Variants in MNS1 observed in about 807,000 individuals in gnomAD.
The protein encoded by MNS1 is meiosis-specific nuclear structural protein 1.
Under a neutral mutation model 72.0 loss-of-function variants are expected in MNS1, and 63 were observed. The ratio of observed to expected loss-of-function variants is 0.87; its 90% CI spans 0.71 to 1.08. The LOEUF (loss-of-function observed/expected upper bound fraction) is 1.08, where lower values mean the gene tolerates loss of function less well. Ranked by LOEUF, MNS1 falls within the 50% of genes least tolerant of loss-of-function variation. MNS1 has a pLI of 0.00. For synonymous variants in MNS1, 188 were observed against 172.1 expected (o/e 1.09, Z -0.72); for missense variants, 604 against 562.4 (o/e 1.07, Z -0.75).
At chr15:56,454,644 A>T (rs1007779579) in intron 3 of MNS1, among the ~76,000 whole-genome samples, 1 of 152,102 alleles carries the variant, frequency 6.6e-6, no homozygotes, top group Non-Finnish European at 1.5e-5. Context: ...TACTGTTTTC[A>T]TTACTTGCAA....
chr15:56,438,449 A>G (rs1318938976), intron 7 of MNS1, among the ~76,000 whole-genome samples: 1 of 152,154 alleles, frequency 6.6e-6, no homozygotes, highest in Non-Finnish European at 1.5e-5. Context: ...ATAGGTAGAA[A>G]GCTGAAACTG....
At chr15:56,461,961 G>GT (rs201033116) in intron 2 of MNS1, among the ~76,000 whole-genome samples, 1 of 85,356 alleles carries the variant, frequency 1.2e-5, no homozygotes, top group African/African-American at 4.9e-5. Context: ...ATAACAAAGT[G>GT]TTTTTTTGTT....
chr15:56,433,257 G>C (rs1407736416), intron 8 of MNS1, among the ~76,000 whole-genome samples: 1 of 150,876 alleles, frequency 6.6e-6, no homozygotes, highest in African/African-American at 2.5e-5. Context: ...GGGCCTGTCG[G>C]GGGGTGGGGG....
Position 56,464,254 on chromosome 15 carries a change from T to C in MNS1, c.4-7A>G, listed in dbSNP as rs941045925. The stretch of plus-strand genomic sequence containing the variant: ...AATTTCTCCTTTTGGAACCCTACGA[T>C]GGAAGAAAAAAAAAGATGCATATTT... On this transcript the variant is annotated splice_region_variant and splice_polypyrimidine_tract_variant and intron_variant, in intron 1 of 9. Coordinates refer to ENST00000260453, the MANE Select transcript of MNS1 (RefSeq NM_018365.4). 4.5e-6 allele frequency: 7 copies of C among 1,559,868 alleles called. No individual in the cohort carries two copies. In the African/African-American group the frequency reaches 7.0e-5, roughly 16 times the overall value.
intron 3 of MNS1, among the ~76,000 whole-genome samples, chr15:56,453,728 A>G (rs753593457): frequency 8.5e-5 from 13 of 152,188 alleles, no homozygotes; most frequent in Non-Finnish European, 1.8e-4. Flanking sequence ...AACTCCAGTT[A>G]AAAACAGCAG....
Position 56,429,044 on chromosome 15 carries a change from T to G in MNS1, c.*57A>C. ...CCACTGAACTGTAAAACAAAAGTTATGCTGACATCTAGTGGTAACATGCAA... is the reference window on the plus strand; with the variant it reads ...CCACTGAACTGTAAAACAAAAGTTAGGCTGACATCTAGTGGTAACATGCAA... On this transcript the variant is annotated 3_prime_UTR_variant, in exon 10 of 10. Coordinates refer to ENST00000260453, the MANE Select transcript of MNS1 (RefSeq NM_018365.4). 4 of 1,122,032 alleles carry G rather than the reference T, an allele frequency of 3.6e-6. No homozygotes were observed. Among genetic ancestry groups the G allele is most frequent in the Non-Finnish European group, 5.1e-6 (4 of 779,686 alleles). The allele number at this position is 1,122,032 out of a possible 1,614,324, so 69.5% of individuals were successfully genotyped here. A position where few individuals can be genotyped will look rare whatever the true frequency, so the allele number is the denominator to read the frequency against.
intron 7 of MNS1, among the ~76,000 whole-genome samples, chr15:56,439,938 C>T (rs921862270): frequency 2.6e-5 from 4 of 151,972 alleles, no homozygotes; most frequent in African/African-American, 9.7e-5. Context: ...TAAGAAAAAT[C>T]GTGCTCTAAG....
In MNS1 at chr15:56,461,975, G is replaced by GTTTTTTTTTTTTTTTT. The variant is rs56022687; in HGVS notation, c.225+2035_225+2050dup. Among the ~76,000 whole-genome samples, 11 of 97,914 alleles carry GTTTTTTTTTTTTTTTT rather than the reference G, an allele frequency of 1.1e-4. 1 individual carries two copies. The highest frequency in any genetic ancestry group is 2.4e-4 in the Admixed American group (2 of 8,364). 64.2% of individuals were successfully genotyped at this position (97,914 alleles called of 152,430 possible). A position where few individuals can be genotyped will look rare whatever the true frequency, so the allele number is the denominator to read the frequency against. ...AATAACAAAGTGTTTTTTTGTTGTT[G>GTTTTTTTTTTTTTTTT]TTTTTTTTTTTTTTTTTTTTTTTTT... On this transcript the variant is annotated intron_variant, in intron 2 of 9. Transcript: ENST00000260453.
chr15:56,464,910 C>T (rs2051048672), intron 1 of MNS1, 60 bp downstream of exon 1: 1 of 1,606,144 alleles, frequency 6.2e-7, no homozygotes. Flanking sequence ...AGCAGATGAG[C>T]GCCAAACTAG....
intron 7 of MNS1, among the ~76,000 whole-genome samples, chr15:56,440,872 A>G (rs2050804940): frequency 6.6e-6 from 1 of 152,138 alleles, no homozygotes; most frequent in Admixed American, 6.5e-5. Flanking sequence ...TATTTTGTTT[A>G]TCCATTAGAC....
intron 3 of MNS1, among the ~76,000 whole-genome samples, chr15:56,453,689 G>A (rs539683045): frequency 6.6e-6 from 1 of 152,136 alleles, no homozygotes; most frequent in Non-Finnish European, 1.5e-5. Flanking sequence ...TTTAAAATAG[G>A]ATTTCTAAAA....
Position 56,460,009 on chromosome 15 carries a change from A to AAAAAAAAAAAAAATATATAT in MNS1, c.226-3489_226-3488insATATATATTTTTTTTTTTTT. On this transcript the variant is annotated intron_variant, in intron 2 of 9. Coordinates refer to ENST00000260453, the MANE Select transcript of MNS1 (RefSeq NM_018365.4). Reference sequence around the variant, plus strand: ...CTGTCTCAAAAAAAAAAAAAAAAAAAATACATATATATATATATATATATA... The same window carrying AAAAAAAAAAAAAATATATAT: ...CTGTCTCAAAAAAAAAAAAAAAAAAAAAAAAAAAAAAAATATATATATACATATATATATATATATATATA... Among the ~76,000 whole-genome samples, 9 of 26,382 alleles carry AAAAAAAAAAAAAATATATAT rather than the reference A, an allele frequency of 3.4e-4. 1 individual carries two copies. The highest frequency in any genetic ancestry group is 1.5e-3 in the South Asian group (1 of 674). 17.3% of individuals were successfully genotyped at this position (26,382 alleles called of 152,430 possible). A position where few individuals can be genotyped will look rare whatever the true frequency, so the allele number is the denominator to read the frequency against.
chr15:56,450,817 CCCATAGCACCTGCAT>C (rs1309917018), intron 3 of MNS1, among the ~76,000 whole-genome samples: 2 of 152,012 alleles, frequency 1.3e-5, no homozygotes. Context: ...TTAACTTTTT[CCCATAGCACCTGCAT>C]CATTTTACAT....
At chr15:56,462,524 A>C (rs1489942447) in intron 2 of MNS1, among the ~76,000 whole-genome samples, 1 of 152,218 alleles carries the variant, frequency 6.6e-6, no homozygotes, top group Non-Finnish European at 1.5e-5. Context: ...AGGGAAATAA[A>C]TTAAAGGAAC....
At chr15:56,456,934 A>T (rs1051133393) in intron 2 of MNS1, among the ~76,000 whole-genome samples, 2 of 152,196 alleles carry the variant, frequency 1.3e-5, no homozygotes, top group African/African-American at 4.8e-5. Context: ...TTTTAAAAAT[A>T]TAACAATCAT....
At chr15:56,463,953 C>T (rs2051040238) in intron 2 of MNS1, 73 bp downstream of exon 2, 2 of 1,204,332 alleles carry the variant, frequency 1.7e-6, no homozygotes, top group African/African-American at 1.5e-5. Context: ...TCATTTCCAG[C>T]ATTAACAGCT....
intron 3 of MNS1, among the ~76,000 whole-genome samples, chr15:56,454,246 ATATT>A (rs1937541970): frequency 6.6e-6 from 1 of 152,160 alleles, no homozygotes. Context: ...ATATTTGTAT[ATATT>A]TATGGGGTAC....
chr15:56,439,126 T>C (rs2050777592), intron 7 of MNS1, among the ~76,000 whole-genome samples: 1 of 152,108 alleles, frequency 6.6e-6, no homozygotes, highest in African/African-American at 2.4e-5. Context: ...AAAATATCAA[T>C]TCACTAGCAA....
At chr15:56,432,914 C>T (rs954641701) in intron 8 of MNS1, among the ~76,000 whole-genome samples, 1 of 152,118 alleles carries the variant, frequency 6.6e-6, no homozygotes, top group Non-Finnish European at 1.5e-5. Context: ...CTCTTCCTAC[C>T]GATTTTCAAA....
Sources: allele counts gnomAD v4.1 joint callset (sites outside exome capture counted in the v4.1 genomes callset), GRCh38; gene constraint gnomAD v4.1.1; transcripts MANE v1.5; gene names NCBI Gene and HGNC (gene_info 2026-07-23, HGNC 2026-07-21).